Variants in GPD1L observed in about 807,000 individuals in gnomAD.
GPD1L encodes the protein glycerol-3-phosphate dehydrogenase 1 like.
A neutral mutation model predicts 32.9 loss-of-function variants in GPD1L; 17 were observed. The ratio of observed to expected loss-of-function variants is 0.52; its 90% CI spans 0.35 to 0.78. The LOEUF is 0.78. GPD1L is among the 30% of genes least tolerant of loss of function. GPD1L has a pLI of 0.01. For missense variants in GPD1L, 361 were observed against 447.8 expected (o/e 0.81, Z 1.75); for synonymous variants, 187 against 165.9 (o/e 1.13, Z -0.98).
rs183687185 is a variant in GPD1L at position 32,135,588 on chromosome 3, G to A, written c.226-2999G>A. On this transcript the variant is annotated intron_variant, in intron 2 of 7. Coordinates refer to ENST00000282541, the MANE Select transcript of GPD1L (RefSeq NM_015141.4). ...ATGCCTCAGCCTCCTAAGTAGCTGG[G>A]ATTACAGGTGTGCACCACCACACCT... is the stretch of plus-strand genomic sequence containing the variant. Among the ~76,000 whole-genome samples the A allele has an allele frequency of 1.3e-3, 198 of 152,190 alleles. 1 individual carries two copies. Among genetic ancestry groups the A allele is most frequent in the African/African-American group, 4.6e-3 (193 of 41,540 alleles).
intron 5 of GPD1L, among the ~76,000 whole-genome samples, chr3:32,150,206 T>C (rs1457995509): frequency 2.6e-5 from 4 of 152,226 alleles, no homozygotes; most frequent in African/African-American, 7.2e-5. Context: ...AACTGTACAG[T>C]ATGCACTCTT....
chr3:32,146,405 C>T (rs1700826538), intron 4 of GPD1L, among the ~76,000 whole-genome samples: 1 of 152,080 alleles, frequency 6.6e-6, no homozygotes, highest in Admixed American at 6.6e-5. Flanking sequence ...TTTAGATTCA[C>T]ATTCGGTCAG....
chr3:32,147,746 C>T (rs576789005), intron 5 of GPD1L, among the ~76,000 whole-genome samples: 1 of 152,334 alleles, frequency 6.6e-6, no homozygotes, highest in Non-Finnish European at 1.5e-5. Context: ...GTTAGGCAAT[C>T]CACCAGTCAC....
intron 1 of GPD1L, among the ~76,000 whole-genome samples, chr3:32,124,047 C>A (rs565899927): frequency 6.6e-6 from 1 of 151,230 alleles, no homozygotes; most frequent in Non-Finnish European, 1.5e-5. Flanking sequence ...CTTCTGTTGG[C>A]CAGTCACATT....
intron 1 of GPD1L, among the ~76,000 whole-genome samples, chr3:32,122,829 C>A (rs1184868177): frequency 6.6e-6 from 1 of 152,208 alleles, no homozygotes; most frequent in Non-Finnish European, 1.5e-5. Context: ...GCAGGCAGCA[C>A]CCTTATGGCT....
At chr3:32,136,958 T>C (rs1468664883) in intron 2 of GPD1L, among the ~76,000 whole-genome samples, 1 of 152,206 alleles carries the variant, frequency 6.6e-6, no homozygotes, top group Non-Finnish European at 1.5e-5. Flanking sequence ...ACTTGGTCCA[T>C]GGCCATGTGT....
chr3:32,109,786 G>T (rs1490825600), intron 1 of GPD1L, among the ~76,000 whole-genome samples: 1 of 152,252 alleles, frequency 6.6e-6, no homozygotes, highest in Non-Finnish European at 1.5e-5. Flanking sequence ...GCTGGACACA[G>T]TCCCGGTCCT....
At chr3:32,160,905 T>A (rs891063802) in intron 7 of GPD1L, among the ~76,000 whole-genome samples, 6 of 152,214 alleles carry the variant, frequency 3.9e-5, no homozygotes, top group Non-Finnish European at 8.8e-5. Flanking sequence ...TAAATGCTTA[T>A]GCAGCATATT....
rs368998759 is a variant in GPD1L, at chr3:32,108,907, T to C, written c.47+2149T>C. On this transcript the variant is annotated intron_variant, in intron 1 of 7. Coordinates refer to ENST00000282541, the MANE Select transcript of GPD1L (RefSeq NM_015141.4). Reference sequence around the variant, plus strand: ...CTCTGTCGCCCAGGCTGGAGTGCAGTGGCGCGATCTCTGCTCACTGCAAGC... The same window carrying C: ...CTCTGTCGCCCAGGCTGGAGTGCAGCGGCGCGATCTCTGCTCACTGCAAGC... Among the ~76,000 whole-genome samples, 9 of 152,220 alleles carry C rather than the reference T, an allele frequency of 5.9e-5. No homozygotes were observed. In the East Asian group the frequency reaches 1.7e-3, roughly 29 times the overall value.
intron 2 of GPD1L, among the ~76,000 whole-genome samples, chr3:32,136,175 T>C (rs77889402): frequency 0.029 from 4,474 of 152,264 alleles, 306 homozygotes; most frequent in East Asian, 0.25. Context: ...ATCCGCAAAG[T>C]TGGCTTCATC....
chr3:32,121,805 CT>C (rs752149058), intron 1 of GPD1L, among the ~76,000 whole-genome samples: 56 of 144,456 alleles, frequency 3.9e-4, no homozygotes, highest in Non-Finnish European at 7.5e-4. Flanking sequence ...GAGTTTTGCT[CT>C]TTTGCCGAGG....
intron 5 of GPD1L, among the ~76,000 whole-genome samples, chr3:32,147,332 A>G (rs1425160083): frequency 1.3e-5 from 2 of 152,160 alleles, no homozygotes; most frequent in East Asian, 3.8e-4. Flanking sequence ...TTGGAGGTGT[A>G]TTTTTGTTTG....
intron 6 of GPD1L, among the ~76,000 whole-genome samples, chr3:32,159,352 C>T (rs556282239): frequency 1.4e-4 from 22 of 151,800 alleles, no homozygotes; most frequent in Admixed American, 3.3e-4. Flanking sequence ...GATGCTAGGC[C>T]GGGCGTGGTG....
intron 1 of GPD1L, among the ~76,000 whole-genome samples, chr3:32,107,226 G>T (rs1457565809): frequency 2.0e-5 from 3 of 152,184 alleles, no homozygotes; most frequent in African/African-American, 7.2e-5. Flanking sequence ...CACGGGCGGG[G>T]CATGCTCTGC....
chr3:32,156,220 G>A (rs1700986949), intron 5 of GPD1L, among the ~76,000 whole-genome samples: 2 of 152,194 alleles, frequency 1.3e-5, no homozygotes, highest in African/African-American at 4.8e-5. Flanking sequence ...ACACTGATGA[G>A]AACTGATGAA....
At chr3:32,141,390 TA>T (rs368083811) in intron 4 of GPD1L, among the ~76,000 whole-genome samples, 1 of 152,178 alleles carries the variant, frequency 6.6e-6, no homozygotes, top group Non-Finnish European at 1.5e-5. Flanking sequence ...TATCCTTTTT[TA>T]CTATTTGTAT....
At chr3:32,147,355 T>C (rs1168008780) in intron 5 of GPD1L, among the ~76,000 whole-genome samples, 1 of 152,200 alleles carries the variant, frequency 6.6e-6, no homozygotes, top group African/African-American at 2.4e-5. Context: ...TTAATGTAAA[T>C]TTTAAGAGGT....
intron 1 of GPD1L, among the ~76,000 whole-genome samples, chr3:32,115,989 C>T (rs1313505206): frequency 6.6e-6 from 1 of 151,570 alleles, no homozygotes; most frequent in African/African-American, 2.4e-5. Context: ...GGGGTTTCAC[C>T]GTGTTAGCCA....
rs566136741 is a variant in GPD1L at position 32,166,989 on chromosome 3, G to C, written c.*1079G>C. On this transcript the variant is annotated 3_prime_UTR_variant, in exon 8 of 8. Coordinates refer to ENST00000282541, the MANE Select transcript of GPD1L (RefSeq NM_015141.4). ...GTGCAGCAGCATCAGCTTCACTTGTGGGGGGGTGGGGGAAGGGGCGGTCTC... is the reference window on the plus strand; with the variant it reads ...GTGCAGCAGCATCAGCTTCACTTGTCGGGGGGTGGGGGAAGGGGCGGTCTC... The C allele has an allele frequency of 1.3e-5, 2 of 152,192 alleles. No individual in the cohort carries two copies. Among genetic ancestry groups the C allele is most frequent in the African/African-American group, 2.4e-5 (1 of 41,392 alleles). The allele number at this position is 152,192 out of a possible 1,614,324, so 9.4% of individuals were successfully genotyped here.
Sources: allele counts gnomAD v4.1 joint callset (sites outside exome capture counted in the v4.1 genomes callset), GRCh38; gene constraint gnomAD v4.1.1; transcripts MANE v1.5; gene names NCBI Gene and HGNC (gene_info 2026-07-23, HGNC 2026-07-21).